The following UBE2U variants were observed in gnomAD, a reference collection of about 807,000 sequenced individuals.
UBE2U encodes ubiquitin-conjugating enzyme E2 U.
Under a neutral mutation model 41.2 loss-of-function variants are expected in UBE2U, and 39 were observed. The ratio of observed to expected loss-of-function variants is 0.95; its 90% CI spans 0.73 to 1.24. The LOEUF is 1.24. UBE2U is among the 50% of genes most tolerant of loss of function. The pLI is 0.00. For synonymous variants in UBE2U, 107 were observed against 117.8 expected (o/e 0.91, Z 0.60); for missense variants, 336 against 363.1 (o/e 0.93, Z 0.61).
Position 64,246,869 on chromosome 1 carries a change from C to T in UBE2U, c.677+5136C>T, listed in dbSNP as rs551241709. The stretch of plus-strand genomic sequence containing the variant: ...TATACTTAGTAACAAAGCTGAAATT[C>T]AAATGCAGGCCTGCCAGATACCACA... On this transcript the variant is annotated intron_variant, in intron 8 of 9. Coordinates refer to ENST00000371077, the MANE Select transcript of UBE2U (RefSeq NM_001366232.2). Among the ~76,000 whole-genome samples, 334 of 152,246 alleles carry T rather than the reference C, an allele frequency of 2.2e-3. 1 individual carries two copies. The highest frequency in any genetic ancestry group is 6.8e-3 in the Middle Eastern group (2 of 294).
chr1:64,266,979 T>C, intron 9 of UBE2U, 45 bp from the exon 10 acceptor site: 6 of 1,490,686 alleles, frequency 4.0e-6, no homozygotes, highest in Non-Finnish European at 5.4e-6. Context: ...ATTGTTTTTC[T>C]TATTATGTCT....
intron 6 of UBE2U, 139 bp from the exon 7 acceptor site, chr1:64,232,422 A>C: frequency 1.8e-6 from 1 of 544,308 alleles, no homozygotes; most frequent in Non-Finnish European, 3.3e-6. Flanking sequence ...TACAATTGTT[A>C]AAAATGCATG....
At chr1:64,238,594 T>C (rs1175066373) in intron 7 of UBE2U, among the ~76,000 whole-genome samples, 1 of 152,116 alleles carries the variant, frequency 6.6e-6, no homozygotes, top group Non-Finnish European at 1.5e-5. Flanking sequence ...TATGTATGTG[T>C]GCTTACATGT....
At chr1:64,220,647 A>G (rs1318793752) in intron 5 of UBE2U, among the ~76,000 whole-genome samples, 1 of 151,576 alleles carries the variant, frequency 6.6e-6, no homozygotes, top group Non-Finnish European at 1.5e-5. Flanking sequence ...TTTTTTTTCA[A>G]ATTTCTATGG....
rs571611878 is a variant in UBE2U, at chr1:64,229,404, G to A, written c.507-3157G>A. On this transcript the variant is annotated intron_variant, in intron 6 of 9. Transcript: ENST00000371077. ...CCAGCTGACACCTAAGTGCTGAAGA[G>A]GCGCTAAACTTGGCTCTTTTCATGC... is the stretch of plus-strand genomic sequence containing the variant. 2.6e-5 allele frequency among the ~76,000 whole-genome samples: 4 copies of A among 152,260 alleles called. No individual in the cohort carries two copies. The South Asian group carries it at 8.3e-4, about 32-fold the overall frequency.
chr1:64,249,733 T>A (rs1394119016), intron 8 of UBE2U, among the ~76,000 whole-genome samples: 1 of 151,292 alleles, frequency 6.6e-6, no homozygotes, highest in Non-Finnish European at 1.5e-5. Flanking sequence ...TAAAAAAAGA[T>A]AGAAAAAAAG....
rs1262042037 is a variant in UBE2U, at chr1:64,206,809, A to G, written c.194A>G (p.Tyr65Cys). The change falls in exon 3 of 10, where the codon TAT (tyrosine) becomes TGT (cysteine). Residue 65 changes from tyrosine (Y) to cysteine (C), a missense_variant. By Grantham distance (194) the Tyr-to-Cys change is radical. Transcript: ENST00000371077. ...ATACATTTTACATCGGAGTACAACT[A>G]TGCTCCTCCAGTTGTGAAATTTATA... The part of the protein sequence containing the change: ...LTIHFTSEYN[Y>C]APPVVKFITI... 20 of 1,607,118 alleles carry G rather than the reference A, an allele frequency of 1.2e-5. No individual in the cohort carries two copies. The highest frequency in any genetic ancestry group is 1.7e-5 in the Non-Finnish European group (20 of 1,175,622).
intron 8 of UBE2U, among the ~76,000 whole-genome samples, chr1:64,259,903 A>T (rs1557750953): frequency 6.6e-6 from 1 of 151,794 alleles, no homozygotes; most frequent in Non-Finnish European, 1.5e-5. Context: ...TCCCCCCAGA[A>T]CCTCAGCATA....
At chr1:64,240,280 A>G (rs1204305147) in intron 7 of UBE2U, among the ~76,000 whole-genome samples, 1 of 152,198 alleles carries the variant, frequency 6.6e-6, no homozygotes, top group Non-Finnish European at 1.5e-5. Context: ...ACATCAAAAG[A>G]GTTTATCACC....
chr1:64,237,609 G>C (rs956421719), intron 7 of UBE2U, among the ~76,000 whole-genome samples: 1 of 152,080 alleles, frequency 6.6e-6, no homozygotes, highest in Non-Finnish European at 1.5e-5. Context: ...CTGTGTGTGG[G>C]AGATAAGAAG....
At chr1:64,220,018 G>A (rs1261934329) in intron 5 of UBE2U, among the ~76,000 whole-genome samples, 5 of 152,038 alleles carry the variant, frequency 3.3e-5, no homozygotes, top group Admixed American at 1.3e-4. Flanking sequence ...TTGTGGTTAG[G>A]ATTGTTCTCT....
chr1:64,223,363 T>C (rs1652625856), intron 6 of UBE2U, among the ~76,000 whole-genome samples: 1 of 152,184 alleles, frequency 6.6e-6, no homozygotes, highest in Non-Finnish European at 1.5e-5. Flanking sequence ...ATTAGGTCAA[T>C]GTAGACAGTA....
rs1443968342 is a variant in UBE2U, at chr1:64,204,112, A to G, written c.62A>G (p.Tyr21Cys). ...TTCTGTGATCTCAAGGAGAACAATT[A>G]TAAGGTAAGTACTGGGCACGTGGAG... ...RDFCDLKENNYKGITAKPVSE... is the reference protein window; with the variant it reads ...RDFCDLKENNCKGITAKPVSE... The change falls in exon 1 of 10, where the codon TAT becomes TGT. Residue 21 changes from tyrosine (Y) to cysteine (C), a missense_variant. Physicochemically the swap from Tyr to Cys is radical, Grantham distance 194. Coordinates refer to ENST00000371077, the MANE Select transcript of UBE2U (RefSeq NM_001366232.2). The G allele has an allele frequency of 7.4e-6, 12 of 1,613,460 alleles. No homozygotes were observed. Among genetic ancestry groups the G allele is most frequent in the African/African-American group, 1.3e-5 (1 of 74,842 alleles).
intron 8 of UBE2U, among the ~76,000 whole-genome samples, chr1:64,249,265 C>T (rs1463258367): frequency 6.6e-6 from 1 of 151,388 alleles, no homozygotes; most frequent in Non-Finnish European, 1.5e-5. Flanking sequence ...GTAATCCTAG[C>T]TACTCAGGAG....
chr1:64,266,930 T>C (rs1645263329), intron 9 of UBE2U, 94 bp from the exon 10 acceptor site: 1 of 1,165,964 alleles, frequency 8.6e-7, no homozygotes, highest in Non-Finnish European at 1.2e-6. Flanking sequence ...CAGATGGTCT[T>C]TGGCATTATC....
chr1:64,211,290 T>C (rs1651647977), intron 4 of UBE2U, among the ~76,000 whole-genome samples: 1 of 152,204 alleles, frequency 6.6e-6, no homozygotes, highest in Admixed American at 6.5e-5. Context: ...TTAGCTACTT[T>C]CTGTCCCAAT....
At chr1:64,244,201 A>T in intron 8 of UBE2U, 6 of 1,594,878 alleles carry the variant, frequency 3.8e-6, no homozygotes, top group Non-Finnish European at 4.3e-6. Context: ...TGTTGGAGAA[A>T]TTCTTAACCA....
chr1:64,229,564 G>GT (rs148749789), intron 6 of UBE2U, among the ~76,000 whole-genome samples: 2,236 of 152,282 alleles, frequency 0.015, 42 homozygotes, highest in African/African-American at 0.051. Context: ...GTGCCGGAGG[G>GT]TTTTAACCCA....
intron 7 of UBE2U, among the ~76,000 whole-genome samples, chr1:64,239,157 A>AAAGAAGAAG (rs149062313): frequency 8.1e-5 from 3 of 37,064 alleles, no homozygotes; most frequent in Non-Finnish European, 1.8e-4. Context: ...GAAGAAGAAG[A>AAAGAAGAAG]AAGAAGAAGA....
Sources: gnomAD v4.1 joint callset for allele counts (sites outside exome capture counted in the v4.1 genomes callset) on GRCh38, gnomAD v4.1.1 for gene constraint, MANE v1.5 for transcripts, NCBI Gene and HGNC (gene_info 2026-07-23, HGNC 2026-07-21) for gene names.